CADM2: variants seen among roughly 807,000 people sequenced by gnomAD.
CADM2 encodes immunoglobulin superfamily member 4D.
A neutral mutation model predicts 49.8 loss-of-function variants in CADM2; 12 were observed. The ratio of observed to expected loss-of-function variants is 0.24; its 90% CI spans 0.15 to 0.39. The LOEUF (loss-of-function observed/expected upper bound fraction) is 0.39. CADM2 is among the 10% of genes least tolerant of loss of function. The pLI is 1.00. For synonymous variants in CADM2, 214 were observed against 175.4 expected, an observed-to-expected ratio of 1.22 and a Z score of -1.74; for missense variants, 378 against 492.3, an observed-to-expected ratio of 0.77 and a Z score of 2.20.
intron 1 of CADM2, among the ~76,000 whole-genome samples, chr3:85,307,697 T>A (rs1038662759): frequency 6.6e-6 from 1 of 151,788 alleles, no homozygotes; most frequent in Admixed American, 6.6e-5. Context: ...TTCTGTCATC[T>A]CATAAGATAA....
intron 1 of CADM2, among the ~76,000 whole-genome samples, chr3:85,082,082 T>A (rs568798971): frequency 3.3e-5 from 5 of 152,266 alleles, no homozygotes; most frequent in Admixed American, 2.6e-4. Context: ...AGAAAATTGT[T>A]ATTATTAGCT....
At chr3:85,171,992 A>G (rs1000523988) in intron 1 of CADM2, among the ~76,000 whole-genome samples, 12 of 152,248 alleles carry the variant, frequency 7.9e-5, no homozygotes, top group South Asian at 4.1e-4. Flanking sequence ...TAAGCTAACA[A>G]TAGATATCTT....
intron 1 of CADM2, among the ~76,000 whole-genome samples, chr3:84,982,010 C>G (rs1418237829): frequency 6.6e-6 from 1 of 152,140 alleles, no homozygotes; most frequent in Non-Finnish European, 1.5e-5. Context: ...AACTTTTAAA[C>G]TGTGTCTTTT....
chr3:85,859,385 C>G (rs1266433299), intron 3 of CADM2, among the ~76,000 whole-genome samples: 1 of 151,838 alleles, frequency 6.6e-6, no homozygotes, highest in Admixed American at 6.6e-5. Flanking sequence ...CATGCGTCAC[C>G]ACGCCAGGCT....
At chr3:85,276,337 G>T (rs2043356800) in intron 1 of CADM2, among the ~76,000 whole-genome samples, 1 of 151,228 alleles carries the variant, frequency 6.6e-6, no homozygotes, top group Non-Finnish European at 1.5e-5. Flanking sequence ...GATGTACTTT[G>T]ACGTAATAAA....
intron 1 of CADM2, 39 bp from the exon 2 acceptor site, chr3:85,726,483 T>C (rs746248722): frequency 2.5e-6 from 4 of 1,609,406 alleles, no homozygotes; most frequent in Non-Finnish European, 2.5e-6. Flanking sequence ...ATATCTAATA[T>C]GTTTGTTCTC....
chr3:85,331,823 G>A (rs2107153404), intron 1 of CADM2, among the ~76,000 whole-genome samples: 1 of 152,132 alleles, frequency 6.6e-6, no homozygotes, highest in East Asian at 1.9e-4. Flanking sequence ...TTTAACTGGA[G>A]TGAGTGATTC....
rs1004524041 is a variant in CADM2, at chr3:85,457,547, C to A, written c.62-268975C>A. Reference sequence around the variant, plus strand: ...TACCCTGCTTTCTCTATACTATCATCATCTCATCTCAGCCTGCACAAAAAG... The same window carrying A: ...TACCCTGCTTTCTCTATACTATCATAATCTCATCTCAGCCTGCACAAAAAG... On this transcript the variant is annotated intron_variant, in intron 1 of 9. Coordinates refer to ENST00000383699, the MANE Select transcript of CADM2 (RefSeq NM_001167675.2). 1.4e-4 allele frequency among the ~76,000 whole-genome samples: 22 copies of A among 152,276 alleles called. 1 individual carries two copies. Among genetic ancestry groups the A allele is most frequent in the Middle Eastern group, 6.8e-3 (2 of 294 alleles).
chr3:85,183,443 A>G (rs1481530024), intron 1 of CADM2, among the ~76,000 whole-genome samples: 3 of 152,140 alleles, frequency 2.0e-5, no homozygotes. Context: ...AAAGAAAAAA[A>G]ACACGCAATA....
intron 2 of CADM2, among the ~76,000 whole-genome samples, chr3:85,787,929 C>CTCTA (rs1347417057): frequency 6.6e-6 from 1 of 152,100 alleles, no homozygotes; most frequent in Non-Finnish European, 1.5e-5. Context: ...TATTTCCTGC[C>CTCTA]TCTAGCTCAG....
At chr3:85,786,027 G>T (rs192963874) in intron 2 of CADM2, among the ~76,000 whole-genome samples, 1 of 152,060 alleles carries the variant, frequency 6.6e-6, no homozygotes, top group African/African-American at 2.4e-5. Flanking sequence ...AAAGGTCAAT[G>T]ATTCGTTATT....
chr3:85,586,749 T>C (rs1301898697), intron 1 of CADM2, among the ~76,000 whole-genome samples: 1 of 152,102 alleles, frequency 6.6e-6, no homozygotes, highest in East Asian at 1.9e-4. Flanking sequence ...CTTCAATAAG[T>C]AGCATCTTGA....
chr3:85,757,093 T>C (rs982202329), intron 2 of CADM2, among the ~76,000 whole-genome samples: 1 of 152,098 alleles, frequency 6.6e-6, no homozygotes, highest in African/African-American at 2.4e-5. Context: ...ATATTGGCTG[T>C]TTATGGCCTT....
intron 1 of CADM2, among the ~76,000 whole-genome samples, chr3:85,545,960 T>A (rs536559071): frequency 1.3e-5 from 2 of 152,296 alleles, no homozygotes; most frequent in African/African-American, 4.8e-5. Flanking sequence ...TTCTTTCCCA[T>A]CCAGTTTCCC....
At chr3:85,571,758 G>A (rs896568471) in intron 1 of CADM2, among the ~76,000 whole-genome samples, 2 of 152,004 alleles carry the variant, frequency 1.3e-5, no homozygotes, top group South Asian at 2.1e-4. Context: ...CACCTGTTAA[G>A]TTATTTTCTG....
At chr3:85,867,200 C>T (rs1018880617) in intron 3 of CADM2, among the ~76,000 whole-genome samples, 3 of 152,016 alleles carry the variant, frequency 2.0e-5, no homozygotes, top group African/African-American at 7.2e-5. Flanking sequence ...GTGTCTATGT[C>T]TACTTGCCGT....
chr3:85,962,718 G>A (rs985759339), intron 8 of CADM2, among the ~76,000 whole-genome samples: 11 of 151,740 alleles, frequency 7.2e-5, no homozygotes, highest in African/African-American at 1.5e-4. Flanking sequence ...GGTGCATTGC[G>A]AATCTCCACT....
At chr3:85,805,207 G>A (rs1395189427) in intron 3 of CADM2, among the ~76,000 whole-genome samples, 2 of 152,092 alleles carry the variant, frequency 1.3e-5, no homozygotes, top group African/African-American at 4.8e-5. Flanking sequence ...GCCTCTCAAA[G>A]TTCTGGGATT....
At chr3:85,272,495 T>G (rs573449748) in intron 1 of CADM2, among the ~76,000 whole-genome samples, 1 of 151,462 alleles carries the variant, frequency 6.6e-6, no homozygotes, top group African/African-American at 2.4e-5. Flanking sequence ...AACAACTTTC[T>G]ATAAAAATGC....
Sources: gnomAD v4.1 joint callset for allele counts (sites outside exome capture counted in the v4.1 genomes callset) on GRCh38, gnomAD v4.1.1 for gene constraint, MANE v1.5 for transcripts, NCBI Gene and HGNC (gene_info 2026-07-23, HGNC 2026-07-21) for gene names.